Variants in RHOU observed in about 807,000 individuals in gnomAD.
RHOU encodes rho-related GTP-binding protein RhoU.
In RHOU, 8 loss-of-function variants were observed where a neutral mutation model predicts 12.6. The ratio of observed to expected loss-of-function variants is 0.64; its 90% CI spans 0.37 to 1.15. RHOU has a LOEUF of 1.15. RHOU is among the 50% of genes most tolerant of loss of function. The pLI is 0.01. For missense variants in RHOU, 258 were observed against 347.0 expected (o/e 0.74, Z 2.04); for synonymous variants, 161 against 147.4 (o/e 1.09, Z -0.67).
At chr1:228,694,216 T>C in the RHOU span, among the ~76,000 whole-genome samples, 12 of 152,358 alleles carry the variant, frequency 7.9e-5, no homozygotes, top group East Asian at 9.6e-4. Flanking sequence ...TTACATTTAA[T>C]AACAAAACTA....
chr1:228,723,828 T>C, the RHOU span, among the ~76,000 whole-genome samples: 1 of 152,360 alleles, frequency 6.6e-6, no homozygotes, highest in South Asian at 2.1e-4. Context: ...CCTTTTTTCC[T>C]TTCTTCTATG....
the RHOU span, among the ~76,000 whole-genome samples, chr1:228,692,683 C>A: frequency 9.2e-5 from 14 of 152,252 alleles, no homozygotes; most frequent in Non-Finnish European, 1.2e-4. Flanking sequence ...CATCCTCCCA[C>A]CTTGGCCTCC....
chr1:228,655,868 C>T, the RHOU span, among the ~76,000 whole-genome samples: 2 of 152,326 alleles, frequency 1.3e-5, no homozygotes, highest in South Asian at 4.1e-4. Flanking sequence ...AGAGGGTTCT[C>T]ATACAAGTAT....
chr1:228,687,785 C>G, the RHOU span: 1 of 1,346,370 alleles, frequency 7.4e-7, no homozygotes, highest in South Asian at 1.2e-5. Context: ...CGGAATACCT[C>G]TTAGACAAGC....
At chr1:228,650,420 G>T in the RHOU span, 2 of 457,022 alleles carry the variant, frequency 4.4e-6, no homozygotes, top group Admixed American at 4.7e-5. Flanking sequence ...CGGCTGTGGG[G>T]TCAGCGTGCT....
the RHOU span, among the ~76,000 whole-genome samples, chr1:228,726,482 T>C: frequency 6.6e-6 from 1 of 152,100 alleles, no homozygotes; most frequent in African/African-American, 2.4e-5. Context: ...CTGATCGACA[T>C]GGTGAAACCC....
rs765006462 is a variant in RHOU, at chr1:228,744,834, C to T, written c.*1094C>T. 1.7e-4 allele frequency: 26 copies of T among 152,188 alleles called. No homozygotes were observed. The highest frequency in any genetic ancestry group is 4.1e-4 in the African/African-American group (17 of 41,430). The allele number at this position is 152,188 out of a possible 1,614,324, so 9.4% of individuals were successfully genotyped here. ...CTTTCACACCATTAATGGGGAAAAG[C>T]GTGGCCACAAAAACAGATGCTAGGA... On this transcript the variant is annotated 3_prime_UTR_variant, in exon 3 of 3. Coordinates refer to ENST00000366691, the MANE Select transcript of RHOU (RefSeq NM_021205.6).
chr1:228,721,203 G>A, the RHOU span, among the ~76,000 whole-genome samples: 3 of 152,212 alleles, frequency 2.0e-5, no homozygotes, highest in Non-Finnish European at 4.4e-5. Context: ...TCGGGAGGCT[G>A]AAGCAGGAGA....
At position 228,737,298 on chromosome 1, in the gene RHOU, T is replaced by A. The variant is rs1176960402; in HGVS notation, c.263-375T>A. Among the ~76,000 whole-genome samples, 1 of 152,202 alleles carries A rather than the reference T, an allele frequency of 6.6e-6. No individual in the cohort carries two copies. Among genetic ancestry groups the A allele is most frequent in the African/African-American group, 2.4e-5 (1 of 41,450 alleles). ...GAAAACAGAATTATTTGTGAGGTTT[T>A]CCACTGATTTAAAACTGCAGGGTTG... On this transcript the variant is annotated intron_variant, in intron 1 of 2. Transcript: ENST00000366691. This position sits in a 1 kb window ranked among gnomAD's most constrained non-coding sequence, Gnocchi z 4.1.
In RHOU at chr1:228,742,822, A is replaced by G. The variant is rs186565279; in HGVS notation, c.322-463A>G. 1.2e-4 allele frequency among the ~76,000 whole-genome samples: 19 copies of G among 152,300 alleles called. No homozygotes were observed. In the East Asian group the frequency reaches 3.3e-3, roughly 26 times the overall value. On this transcript the variant is annotated intron_variant, in intron 2 of 2. Transcript: ENST00000366691. The stretch of plus-strand genomic sequence containing the variant: ...GAAAGGCAGGGCTGGATTGATAAAG[A>G]GAGGAGCTGTGTTCGTAGACTGGGT...
At chr1:228,708,126 C>T in the RHOU span, among the ~76,000 whole-genome samples, 9 of 152,042 alleles carry the variant, frequency 5.9e-5, no homozygotes, top group African/African-American at 1.2e-4. Context: ...TAAAAAGAAA[C>T]GAGCAAAGCG....
the RHOU span, among the ~76,000 whole-genome samples, chr1:228,665,190 C>T: frequency 2.6e-5 from 4 of 152,180 alleles, no homozygotes; most frequent in Non-Finnish European, 5.9e-5. Flanking sequence ...TTATAAAGTG[C>T]CTGCTATGCA....
chr1:228,687,848 T>G, the RHOU span: 1 of 1,158,650 alleles, frequency 8.6e-7, no homozygotes, highest in Admixed American at 1.7e-5. Context: ...AATTTCCACA[T>G]AGCCGTGGGA....
chr1:228,648,257 C>G, the RHOU span, among the ~76,000 whole-genome samples: 20 of 152,238 alleles, frequency 1.3e-4, no homozygotes, highest in Non-Finnish European at 4.4e-5. Flanking sequence ...TGCGCCTAGG[C>G]CACTCGCTGG....
In RHOU at chr1:228,737,570, C is replaced by A; in HGVS notation, c.263-103C>A. The A allele has an allele frequency of 8.8e-7, 1 of 1,142,696 alleles. No homozygotes were observed. Among genetic ancestry groups the A allele is most frequent in the Non-Finnish European group, 1.3e-6 (1 of 760,560 alleles). 70.8% of individuals were successfully genotyped at this position (1,142,696 alleles called of 1,614,324 possible). On this transcript the variant is annotated intron_variant, in intron 1 of 2. Transcript: ENST00000366691. The surrounding 1 kb of genome is among the most constrained non-coding windows in gnomAD (Gnocchi z 4.1). ...TTCATTAGAGGACCTAAAATAGGAG[C>A]AAAGGGGTTTGGAGTGAGAATGATA... is the stretch of plus-strand genomic sequence containing the variant.
the RHOU span, among the ~76,000 whole-genome samples, chr1:228,681,262 A>G: frequency 2.6e-5 from 4 of 152,140 alleles, no homozygotes; most frequent in Non-Finnish European, 5.9e-5. Context: ...CTAGTCGCAG[A>G]ATGAAACTGT....
the RHOU span, among the ~76,000 whole-genome samples, chr1:228,648,933 C>T: frequency 6.6e-6 from 1 of 151,632 alleles, no homozygotes; most frequent in Non-Finnish European, 1.5e-5. Flanking sequence ...TGTTCGATCT[C>T]GGCTCACCGC....
At chr1:228,653,265 C>T in the RHOU span, among the ~76,000 whole-genome samples, 2 of 152,166 alleles carry the variant, frequency 1.3e-5, no homozygotes. Context: ...CAGTGATTCT[C>T]ATGCCTCAGC....
chr1:228,735,162 G>A (rs1411988800), upstream of RHOU: 1 of 152,322 alleles, frequency 6.6e-6, no homozygotes, highest in East Asian at 1.9e-4. The surrounding 1 kb of genome is among the most constrained non-coding windows in gnomAD (Gnocchi z 8.1). Flanking sequence ...CCAGTCGCGC[G>A]GTGGTCACCC....
Sources: allele counts gnomAD v4.1 joint callset (sites outside exome capture counted in the v4.1 genomes callset), GRCh38; gene constraint gnomAD v4.1.1; non-coding constraint Gnocchi (gnomAD v3.1); transcripts MANE v1.5; gene names NCBI Gene and HGNC (gene_info 2026-07-23, HGNC 2026-07-21).